SLC11A2: variants seen among roughly 807,000 people sequenced by gnomAD.
The protein encoded by SLC11A2 is solute carrier family 11 member 2.
SLC11A2 carries 38 observed loss-of-function variants against 68.0 expected under a neutral mutation model. The ratio of observed to expected loss-of-function variants is 0.56; its 90% CI spans 0.43 to 0.73. The LOEUF (loss-of-function observed/expected upper bound fraction) is 0.73. SLC11A2 is among the 30% of genes least tolerant of loss of function. The pLI is 0.00. For missense variants in SLC11A2, 517 were observed against 690.5 expected (o/e 0.75, Z 2.82); for synonymous variants, 242 against 250.6 (o/e 0.97, Z 0.32).
the SLC11A2 span, among the ~76,000 whole-genome samples, chr12:50,957,134 T>C: frequency 1.3e-5 from 2 of 152,166 alleles, no homozygotes; most frequent in Non-Finnish European, 2.9e-5. Context: ...AATAAATATA[T>C]CCTTACCCAC....
chr12:51,003,898 T>C (rs968813762), intron 5 of SLC11A2, among the ~76,000 whole-genome samples: 2 of 151,768 alleles, frequency 1.3e-5, no homozygotes, highest in Admixed American at 1.3e-4. Flanking sequence ...CATGATCACA[T>C]CACTGCACTC....
intron 2 of SLC11A2, chr12:51,009,392 G>C (rs1048901182): frequency 4.3e-5 from 38 of 881,022 alleles, no homozygotes; most frequent in Non-Finnish European, 5.6e-5. Context: ...AGAAGGTCTG[G>C]GAGAAAAGGG....
At chr12:50,978,522 T>C (rs111400248), downstream of SLC11A2, among the ~76,000 whole-genome samples, 3,725 of 145,222 alleles carry the variant, frequency 0.026, 181 homozygotes, top group African/African-American at 0.091. Flanking sequence ...GGGATAGCAT[T>C]AGGAGATATA....
downstream of SLC11A2, among the ~76,000 whole-genome samples, chr12:50,983,233 T>C (rs1940222267): frequency 6.6e-6 from 1 of 152,192 alleles, no homozygotes; most frequent in Non-Finnish European, 1.5e-5. Flanking sequence ...AGGCTGGCTA[T>C]GAAGTTATTT....
downstream of SLC11A2, chr12:50,981,404 C>T (rs1251885804): frequency 6.0e-6 from 1 of 166,240 alleles, no homozygotes; most frequent in Non-Finnish European, 1.3e-5. Flanking sequence ...TCTACCCAAA[C>T]TGAGATGCTC....
intron 10 of SLC11A2, 57 bp downstream of exon 10, chr12:50,995,572 T>C (rs574679278): frequency 3.9e-6 from 6 of 1,533,236 alleles, no homozygotes; most frequent in East Asian, 2.2e-5. Flanking sequence ...CCCCATCCCA[T>C]TGCAGTCTTC....
At chr12:51,010,216 A>G (rs199862017) in intron 2 of SLC11A2, among the ~76,000 whole-genome samples, 2 of 16,748 alleles carry the variant, frequency 1.2e-4, no homozygotes, top group Non-Finnish European at 4.4e-4. Context: ...AACAAACAAA[A>G]AAAAAACATT....
chr12:51,010,208 CAAACAAA>C (rs1943093591), intron 2 of SLC11A2, among the ~76,000 whole-genome samples: 1 of 63,766 alleles, frequency 1.6e-5, no homozygotes, highest in African/African-American at 4.8e-5. Context: ...ACCAAACAAA[CAAACAAA>C]AAAAAAACAT....
the SLC11A2 span, among the ~76,000 whole-genome samples, chr12:50,954,866 A>C: frequency 2.6e-5 from 4 of 152,326 alleles, no homozygotes; most frequent in Admixed American, 6.5e-5. Flanking sequence ...AAAAGCCTGG[A>C]TCTATCTGAA....
chr12:50,995,324 T>A (rs139336313), intron 10 of SLC11A2, among the ~76,000 whole-genome samples: 4 of 151,972 alleles, frequency 2.6e-5, no homozygotes, highest in African/African-American at 9.7e-5. Flanking sequence ...AAACACTACA[T>A]AGGTAATCAG....
chr12:51,013,164 C>T (rs891732288), intron 1 of SLC11A2, among the ~76,000 whole-genome samples: 2 of 152,086 alleles, frequency 1.3e-5, no homozygotes, highest in Admixed American at 6.6e-5. Flanking sequence ...TAGTCTTGGG[C>T]TATTTGATAT....
chr12:51,014,424 A>G (rs1435082853), intron 1 of SLC11A2, among the ~76,000 whole-genome samples: 2 of 152,242 alleles, frequency 1.3e-5, no homozygotes, highest in Non-Finnish European at 2.9e-5. Context: ...TCAAATACAA[A>G]AAGTTTCGTC....
Position 50,987,443 on chromosome 12 carries a change from C to CCT in SLC11A2, c.*880_*881dup. 2.3e-6 allele frequency: 3 copies of CCT among 1,287,150 alleles called. No individual in the cohort carries two copies. Among genetic ancestry groups the CCT allele is most frequent in the Non-Finnish European group, 3.0e-6 (3 of 988,678 alleles). The allele number at this position is 1,287,150 out of a possible 1,614,324, so 79.7% of individuals were successfully genotyped here. A position where few individuals can be genotyped will look rare whatever the true frequency, so the allele number is the denominator to read the frequency against. On this transcript the variant is annotated 3_prime_UTR_variant, in exon 16 of 16. Coordinates refer to ENST00000262052, the MANE Select transcript of SLC11A2 (RefSeq NM_000617.3). The stretch of plus-strand genomic sequence containing the variant: ...CTCCCTTAAAGTCTTTTCTCCCCAC[C>CCT]CTCAACATTTCACGAGAACATCAGT...
At chr12:51,026,459 A>C (rs1944398548), upstream of SLC11A2, 1 of 803,820 alleles carries the variant, frequency 1.2e-6, no homozygotes. Context: ...GAGTCCCTGC[A>C]GCGGCCGGGA....
chr12:51,026,980 C>T (rs540537996), upstream of SLC11A2, among the ~76,000 whole-genome samples: 73 of 152,216 alleles, frequency 4.8e-4, no homozygotes, highest in African/African-American at 1.7e-3. Flanking sequence ...AGTTTGAGAC[C>T]AGCCTGACCA....
At chr12:50,975,898 T>C (rs1176433225), downstream of SLC11A2, among the ~76,000 whole-genome samples, 1 of 152,024 alleles carries the variant, frequency 6.6e-6, no homozygotes, top group Non-Finnish European at 1.5e-5. Flanking sequence ...CTAGAAGAAA[T>C]GGATAAATTC....
At chr12:50,977,198 A>T (rs2136113071), downstream of SLC11A2, among the ~76,000 whole-genome samples, 1 of 152,368 alleles carries the variant, frequency 6.6e-6, no homozygotes, top group South Asian at 2.1e-4. Flanking sequence ...GTCAATCCTA[A>T]GCCAAAAGAA....
the SLC11A2 span, among the ~76,000 whole-genome samples, chr12:50,955,487 T>C: frequency 6.6e-6 from 1 of 152,238 alleles, no homozygotes; most frequent in Non-Finnish European, 1.5e-5. Flanking sequence ...TTCCTTGTGT[T>C]CATTTTGTCT....
Position 50,994,538 on chromosome 12 carries a change from G to A in SLC11A2, c.1077+6C>T. On this transcript the variant is annotated splice_donor_region_variant and intron_variant, in intron 11 of 15. Transcript: ENST00000262052. ...GAACAAAGATCACAAATCCAAACATGCTTACCCCTTTGTAGATGTCCACAG... is the reference window on the plus strand; with the variant it reads ...GAACAAAGATCACAAATCCAAACATACTTACCCCTTTGTAGATGTCCACAG... The A allele has an allele frequency of 6.3e-7, 1 of 1,577,434 alleles. No individual in the cohort carries two copies. Among genetic ancestry groups the A allele is most frequent in the Non-Finnish European group, 8.7e-7 (1 of 1,146,404 alleles).
Sources: gnomAD v4.1 joint callset for allele counts (sites outside exome capture counted in the v4.1 genomes callset) on GRCh38, gnomAD v4.1.1 for gene constraint, MANE v1.5 for transcripts, NCBI Gene and HGNC (gene_info 2026-07-23, HGNC 2026-07-21) for gene names.